AMN1: variants seen among roughly 807,000 people sequenced by gnomAD.
The protein encoded by AMN1 is antagonist of mitotic exit network 1 homolog.
Under a neutral mutation model 33.0 loss-of-function variants are expected in AMN1, and 20 were observed. The ratio of observed to expected loss-of-function variants is 0.61; its 90% CI spans 0.43 to 0.88. The LOEUF (loss-of-function observed/expected upper bound fraction) is 0.88, where lower values mean the gene tolerates loss of function less well. Ranked by LOEUF, AMN1 falls within the 40% of genes least tolerant of loss-of-function variation. The pLI, the probability that AMN1 is intolerant of heterozygous loss-of-function variation, is 0.00. For missense variants in AMN1, 246 were observed against 307.4 expected (o/e 0.80, Z 1.49); for synonymous variants, 114 against 111.9 (o/e 1.02, Z -0.12).
At chr12:31,698,015 GA>G in intron 3 of AMN1, 58 bp from the exon 4 acceptor site, 1 of 1,510,896 alleles carries the variant, frequency 6.6e-7, no homozygotes, top group Non-Finnish European at 9.2e-7. Flanking sequence ...GTATACATGA[GA>G]AATGTGACTG....
At chr12:31,694,257 CA>C (rs1276877449) in intron 5 of AMN1, among the ~76,000 whole-genome samples, 2 of 151,570 alleles carry the variant, frequency 1.3e-5, no homozygotes, top group Non-Finnish European at 2.9e-5. Flanking sequence ...GCCTGGCCAA[CA>C]TGGTGAAACC....
At chr12:31,720,934 C>G (rs1232963830) in intron 1 of AMN1, among the ~76,000 whole-genome samples, 5 of 152,122 alleles carry the variant, frequency 3.3e-5, no homozygotes, top group Admixed American at 2.0e-4. Flanking sequence ...ACTTAGAAGT[C>G]AAATTGTAGC....
chr12:31,687,165 T>G lies in AMN1; in HGVS notation c.703+1842A>C, dbSNP rs1372206687. ...TGCTGGGATTACAGGCATAAACCAC[T>G]GCACCCGGCCACCAGTGTCCTTACT... On this transcript the variant is annotated intron_variant, in intron 6 of 6. Transcript: ENST00000281471. This position sits in a 1 kb window ranked among gnomAD's most constrained non-coding sequence, Gnocchi z 4.1. Among the ~76,000 whole-genome samples the G allele has an allele frequency of 6.6e-6, 1 of 152,030 alleles. No homozygotes were observed. The highest frequency in any genetic ancestry group is 6.6e-5 in the Admixed American group (1 of 15,248).
At position 31,697,966 on chromosome 12, in the gene AMN1, A is replaced by T. The variant is rs533621606; in HGVS notation, c.317-9T>A. ...AGCCACAGCTTTTATTCCTGGGGGA[A>T]AATATAATTATATATCAATGAGCTA... On this transcript the variant is annotated splice_polypyrimidine_tract_variant and intron_variant, in intron 3 of 6. Transcript: ENST00000281471. 1.3e-5 allele frequency: 21 copies of T among 1,612,604 alleles called. No individual in the cohort carries two copies. The African/African-American group carries it at 2.7e-4, about 20-fold the overall frequency.
At chr12:31,672,588 A>G in intron 6 of AMN1, 1 of 414,298 alleles carries the variant, frequency 2.4e-6, no homozygotes, top group Admixed American at 3.9e-5. Context: ...TCATGGTATT[A>G]CTTGTTTAAA....
chr12:31,682,036 A>T (rs949306261), intron 6 of AMN1, among the ~76,000 whole-genome samples: 1 of 152,216 alleles, frequency 6.6e-6, no homozygotes. Flanking sequence ...CAGAAAAATA[A>T]CATTTTAAAA....
chr12:31,709,542 G>T, intron 1 of AMN1, 117 bp from the exon 2 acceptor site: 1 of 1,303,948 alleles, frequency 7.7e-7, no homozygotes, highest in African/African-American at 1.5e-5. Context: ...ATTTTGGCTG[G>T]GTGTGGTGGC....
chr12:31,728,447 G>A (rs1468047452), intron 1 of AMN1, among the ~76,000 whole-genome samples: 1 of 152,214 alleles, frequency 6.6e-6, no homozygotes, highest in Admixed American at 6.5e-5. Flanking sequence ...CCTAGGCACA[G>A]GGAGAGGTTA....
chr12:31,679,664 C>CT (rs1182841179), intron 6 of AMN1, among the ~76,000 whole-genome samples: 3 of 152,326 alleles, frequency 2.0e-5, no homozygotes, highest in East Asian at 1.9e-4. Flanking sequence ...TAAGGACTCT[C>CT]TAACTGCTTT....
At position 31,697,911 on chromosome 12, in the gene AMN1, A is replaced by C; in HGVS notation, c.363T>G (p.Ser121=). The change falls in exon 4 of 7, where the codon TCT becomes TCG. Residue 121 remains serine, a synonymous_variant. Transcript: ENST00000281471. ...CAGTGAGATTGCAGCATCTTTTCAAAGAAGCTTCGTGTAGGTATGAACAAG... is the reference window on the plus strand; with the variant it reads ...CAGTGAGATTGCAGCATCTTTTCAACGAAGCTTCGTGTAGGTATGAACAAG... ...ASSCSYLHEA[S]LKRCCNLTDE... 6.2e-7 allele frequency: 1 copy of C among 1,614,016 alleles called. No individual in the cohort carries two copies. The highest frequency in any genetic ancestry group is 8.5e-7 in the Non-Finnish European group (1 of 1,179,884).
intron 6 of AMN1, among the ~76,000 whole-genome samples, chr12:31,681,147 T>G (rs1264816516): frequency 6.6e-6 from 1 of 152,206 alleles, no homozygotes; most frequent in Non-Finnish European, 1.5e-5. Context: ...AAAGCCATTT[T>G]ATATGAACTA....
intron 5 of AMN1, among the ~76,000 whole-genome samples, chr12:31,693,111 C>G (rs1204927078): frequency 6.6e-6 from 1 of 152,114 alleles, no homozygotes; most frequent in Non-Finnish European, 1.5e-5. Flanking sequence ...CTCTGTTCCC[C>G]AAGCTGGAGT....
intron 3 of AMN1, among the ~76,000 whole-genome samples, chr12:31,699,176 A>C (rs954238462): frequency 1.3e-5 from 2 of 151,902 alleles, no homozygotes; most frequent in Non-Finnish European, 2.9e-5. Flanking sequence ...AGATTACTTG[A>C]GCTCAGGAGT....
At chr12:31,721,140 G>T (rs1300472721) in intron 1 of AMN1, among the ~76,000 whole-genome samples, 1 of 152,184 alleles carries the variant, frequency 6.6e-6, no homozygotes, top group South Asian at 2.1e-4. Context: ...TATATATCTG[G>T]CTCCTGCGAC....
chr12:31,725,427 A>G (rs1037593580), intron 1 of AMN1, among the ~76,000 whole-genome samples: 2 of 152,208 alleles, frequency 1.3e-5, no homozygotes, highest in Non-Finnish European at 2.9e-5. Flanking sequence ...ATCCCAACCA[A>G]TAATAGTTGC....
intron 6 of AMN1, among the ~76,000 whole-genome samples, chr12:31,686,030 A>C (rs1393137663): frequency 6.6e-6 from 1 of 152,116 alleles, no homozygotes; most frequent in Non-Finnish European, 1.5e-5. Flanking sequence ...ATTTATCTTA[A>C]ATCCATGATC....
intron 1 of AMN1, among the ~76,000 whole-genome samples, chr12:31,725,587 T>C (rs1243854487): frequency 3.3e-5 from 5 of 152,214 alleles, no homozygotes; most frequent in African/African-American, 1.2e-4. Context: ...TTTCTTTTTT[T>C]CTCTCTATAG....
At chr12:31,673,817 A>C (rs1951331398) in intron 6 of AMN1, among the ~76,000 whole-genome samples, 1 of 152,234 alleles carries the variant, frequency 6.6e-6, no homozygotes, top group Non-Finnish European at 1.5e-5. Context: ...AGGTTACTTT[A>C]ACATCTGAAA....
intron 2 of AMN1, among the ~76,000 whole-genome samples, chr12:31,704,952 C>A (rs1037583007): frequency 6.6e-6 from 1 of 152,140 alleles, no homozygotes; most frequent in East Asian, 1.9e-4. Flanking sequence ...TCTACAGTGT[C>A]ATTATGGTTC....
Sources: allele counts gnomAD v4.1 joint callset (sites outside exome capture counted in the v4.1 genomes callset), GRCh38; gene constraint gnomAD v4.1.1; non-coding constraint Gnocchi (gnomAD v3.1); transcripts MANE v1.5; gene names NCBI Gene and HGNC (gene_info 2026-07-23, HGNC 2026-07-21).